Variants in MBOAT1 observed in about 807,000 individuals in gnomAD.
MBOAT1 encodes membrane-bound glycerophospholipid O-acyltransferase 1.
In MBOAT1, 67 loss-of-function variants were observed where a neutral mutation model predicts 64.4. That is an observed-to-expected ratio of 1.04 (90% CI 0.85 to 1.27). MBOAT1 has a LOEUF of 1.27. Ranked by LOEUF, MBOAT1 falls within the 50% of genes most tolerant of loss-of-function variation. The pLI, the probability that MBOAT1 is intolerant of heterozygous loss-of-function variation, is 0.00. For synonymous variants in MBOAT1, 229 were observed against 218.9 expected, an observed-to-expected ratio of 1.05 and a Z score of -0.41; for missense variants, 563 against 604.6, an observed-to-expected ratio of 0.93 and a Z score of 0.72.
intron 1 of MBOAT1, among the ~76,000 whole-genome samples, chr6:20,211,561 G>A (rs746947133): frequency 2.0e-5 from 3 of 152,118 alleles, no homozygotes; most frequent in Non-Finnish European, 4.4e-5. Context: ...GTCCTACTCA[G>A]AAGCTCCAGC....
At chr6:20,148,849 T>C (rs1359858627) in intron 3 of MBOAT1, among the ~76,000 whole-genome samples, 1 of 152,094 alleles carries the variant, frequency 6.6e-6, no homozygotes, top group African/African-American at 2.4e-5. Flanking sequence ...ACACCTGTAA[T>C]CCCAGCACTT....
chr6:20,211,342 C>T (rs181832040), intron 1 of MBOAT1, among the ~76,000 whole-genome samples: 1 of 152,206 alleles, frequency 6.6e-6, no homozygotes, highest in Non-Finnish European at 1.5e-5. Context: ...CTATTTAAAT[C>T]AACATTTACT....
At chr6:20,105,090 A>G (rs1253080332) in intron 12 of MBOAT1, among the ~76,000 whole-genome samples, 1 of 152,244 alleles carries the variant, frequency 6.6e-6, no homozygotes, top group East Asian at 1.9e-4. Context: ...TTTAACAGGT[A>G]TAGACTGGGA....
intron 1 of MBOAT1, among the ~76,000 whole-genome samples, chr6:20,195,274 A>G (rs926608416): frequency 6.6e-6 from 1 of 152,236 alleles, no homozygotes; most frequent in African/African-American, 2.4e-5. Context: ...TCTAATCTAT[A>G]CTTCCATAAT....
intron 1 of MBOAT1, among the ~76,000 whole-genome samples, chr6:20,194,030 T>G (rs1561784103): frequency 6.6e-6 from 1 of 152,210 alleles, no homozygotes; most frequent in Admixed American, 6.5e-5. Context: ...ACCTTTCCAT[T>G]CTTCTATGAA....
At chr6:20,124,382 A>C in intron 8 of MBOAT1, 26 bp downstream of exon 8, 1 of 1,592,940 alleles carries the variant, frequency 6.3e-7, no homozygotes, top group Non-Finnish European at 8.6e-7. Context: ...TCCCTCATTC[A>C]GTTACAGCTA....
At chr6:20,130,248 T>C (rs1372067019) in intron 5 of MBOAT1, among the ~76,000 whole-genome samples, 1 of 152,208 alleles carries the variant, frequency 6.6e-6, no homozygotes, top group Non-Finnish European at 1.5e-5. Flanking sequence ...GGAACCCAGT[T>C]TGAACAATGT....
At chr6:20,158,952 G>A (rs34124821) in intron 1 of MBOAT1, among the ~76,000 whole-genome samples, 32,818 of 152,102 alleles carry the variant, frequency 0.22, 4,319 homozygotes, top group East Asian at 0.43. Context: ...AAAAGGGAAC[G>A]CCAGCACACT....
chr6:20,116,466 C>CCA (rs1273291714), intron 9 of MBOAT1, among the ~76,000 whole-genome samples: 2 of 152,076 alleles, frequency 1.3e-5, no homozygotes, highest in South Asian at 2.1e-4. Context: ...AATATATAGG[C>CCA]CACACATTGG....
At chr6:20,205,365 C>CT (rs1763232651) in intron 1 of MBOAT1, among the ~76,000 whole-genome samples, 2 of 152,200 alleles carry the variant, frequency 1.3e-5, no homozygotes, top group Admixed American at 1.3e-4. Context: ...TGTCAGTGTC[C>CT]TTAAGCCAGA....
At chr6:20,127,864 C>T (rs916365315) in intron 6 of MBOAT1, among the ~76,000 whole-genome samples, 8 of 152,162 alleles carry the variant, frequency 5.3e-5, no homozygotes, top group African/African-American at 1.9e-4. Context: ...GAAAAACTGT[C>T]TTCCACTAAA....
At chr6:20,155,285 C>A (rs912940582) in intron 1 of MBOAT1, among the ~76,000 whole-genome samples, 2 of 152,120 alleles carry the variant, frequency 1.3e-5, no homozygotes, top group African/African-American at 4.8e-5. Context: ...TTCTAACCAC[C>A]CCCAACACCC....
chr6:20,154,108 C>G (rs1761606537), intron 1 of MBOAT1, among the ~76,000 whole-genome samples: 4 of 152,208 alleles, frequency 2.6e-5, no homozygotes, highest in Admixed American at 2.6e-4. Context: ...TACGGCTGAG[C>G]TGGGAGGTAG....
chr6:20,134,577 T>C (rs556149840), intron 4 of MBOAT1, among the ~76,000 whole-genome samples: 3 of 152,288 alleles, frequency 2.0e-5, no homozygotes, highest in African/African-American at 7.2e-5. Flanking sequence ...TAGTAACTTA[T>C]AAAAATGCTG....
chr6:20,142,755 A>G (rs1442854903), intron 4 of MBOAT1, among the ~76,000 whole-genome samples: 1 of 152,196 alleles, frequency 6.6e-6, no homozygotes, highest in East Asian at 1.9e-4. Context: ...CATCCTGCAT[A>G]TTGTTAAAAA....
rs559186315 is a variant in MBOAT1, at chr6:20,138,994, C to G, written c.419+5226G>C. 5.9e-5 allele frequency among the ~76,000 whole-genome samples: 9 copies of G among 152,328 alleles called. No homozygotes were observed. In the South Asian group the frequency reaches 1.9e-3, roughly 32 times the overall value. ...GCATTACTCCAATGTCGGCCTCCAT[C>G]TTGACATGGCCGTCTTCCCTGTATG... On this transcript the variant is annotated intron_variant, in intron 4 of 12. Coordinates refer to ENST00000324607, the MANE Select transcript of MBOAT1 (RefSeq NM_001080480.3).
intron 1 of MBOAT1, among the ~76,000 whole-genome samples, chr6:20,167,583 A>G (rs777207229): frequency 1.1e-4 from 16 of 152,232 alleles, no homozygotes; most frequent in South Asian, 2.1e-4. Context: ...GTTTGTTATA[A>G]AAAGGGTGGA....
chr6:20,195,551 GC>G (rs1193837945), intron 1 of MBOAT1, among the ~76,000 whole-genome samples: 2 of 152,066 alleles, frequency 1.3e-5, no homozygotes, highest in Non-Finnish European at 2.9e-5. Flanking sequence ...TGTACTCGTT[GC>G]TAATGGAGTG....
chr6:20,140,796 T>G (rs1171831877), intron 4 of MBOAT1, among the ~76,000 whole-genome samples: 1 of 152,174 alleles, frequency 6.6e-6, no homozygotes, highest in East Asian at 1.9e-4. Context: ...AAAATCCTAT[T>G]GGTTCTGAGT....
Sources: gnomAD v4.1 joint callset for allele counts (sites outside exome capture counted in the v4.1 genomes callset) on GRCh38, gnomAD v4.1.1 for gene constraint, MANE v1.5 for transcripts, NCBI Gene and HGNC (gene_info 2026-07-23, HGNC 2026-07-21) for gene names.